ANKRD26: variants seen among roughly 807,000 people sequenced by gnomAD.
The protein encoded by ANKRD26 is ankyrin repeat domain 26, also known as ankyrin repeat domain-containing protein 26.
Under a neutral mutation model 208.7 loss-of-function variants are expected in ANKRD26, and 141 were observed. That is an observed-to-expected ratio of 0.68 (90% CI 0.59 to 0.78). The LOEUF is 0.78. Among genes scored for constraint, ANKRD26 ranks in the 30% least tolerant of loss-of-function variants. The probability of loss-of-function intolerance (pLI) is 0.00; values close to 1 mark genes in which losing one functional copy is unlikely to be tolerated. For synonymous variants in ANKRD26, 636 were observed against 660.4 expected (o/e 0.96, Z 0.57); for missense variants, 1,889 against 1,938.7 (o/e 0.97, Z 0.48).
rs1456276872 is a variant in ANKRD26, at chr10:27,100,177, G to A, written c.150C>T (p.Ile50=). The change falls in exon 1 of 34, where the codon ATC becomes ATT. Residue 50 remains isoleucine (I), a synonymous_variant. Transcript: ENST00000376087. ...YHVRDRDLGK[I]HKAASAGNVA... ...CATTACCCGCGCTGGCAGCTTTGTG[G>A]ATCTTGCCGAGATCTCGGTCTCGGA... is the stretch of plus-strand genomic sequence containing the variant. The A allele has an allele frequency of 1.2e-6, 2 of 1,614,078 alleles. No homozygotes were observed. The highest frequency in any genetic ancestry group is 2.2e-5 in the South Asian group (2 of 91,090).
At chr10:26,989,022 T>C (rs2052440392), downstream of ANKRD26, among the ~76,000 whole-genome samples, 1 of 152,114 alleles carries the variant, frequency 6.6e-6, no homozygotes, top group Non-Finnish European at 1.5e-5. Flanking sequence ...CCTTTTGAGA[T>C]AATCTTCTAT....
chr10:27,051,278 G>A, intron 16 of ANKRD26: 1 of 1,289,272 alleles, frequency 7.8e-7, no homozygotes, highest in South Asian at 1.2e-5. Context: ...ATGGCTTCTG[G>A]AACAAGTTCT....
At chr10:27,046,302 A>C (rs1244122060) in intron 18 of ANKRD26, 51 bp downstream of exon 18, 1 of 1,579,140 alleles carries the variant, frequency 6.3e-7, no homozygotes, top group African/African-American at 1.3e-5. Flanking sequence ...TTCAGAAAAA[A>C]ATTACTACTA....
intron 20 of ANKRD26, among the ~76,000 whole-genome samples, chr10:27,041,033 A>G (rs946188101): frequency 5.6e-5 from 8 of 143,190 alleles, no homozygotes; most frequent in African/African-American, 1.8e-4. Flanking sequence ...TCTGCCTCAG[A>G]AAAAAAAAAA....
intron 15 of ANKRD26, 48 bp from the exon 16 acceptor site, chr10:27,053,438 G>C (rs1230620765): frequency 2.5e-6 from 3 of 1,224,238 alleles, no homozygotes; most frequent in Non-Finnish European, 3.6e-6. Context: ...AGAACAGTTA[G>C]GTAAAAGGTA....
intron 16 of ANKRD26, chr10:27,051,570 T>C (rs1452269209): frequency 7.1e-6 from 7 of 985,096 alleles, no homozygotes; most frequent in Non-Finnish European, 8.4e-6. Flanking sequence ...GTTAAAAACA[T>C]GTTCAGTGTC....
the ANKRD26 span, among the ~76,000 whole-genome samples, chr10:26,959,215 T>C: frequency 1.3e-5 from 2 of 151,240 alleles, no homozygotes; most frequent in Non-Finnish European, 2.9e-5. Flanking sequence ...GAGGCGGAGG[T>C]TGCAGTGAGC....
intron 3 of ANKRD26, among the ~76,000 whole-genome samples, chr10:26,986,568 C>T (rs1206249991): frequency 1.3e-5 from 2 of 152,028 alleles, no homozygotes; most frequent in Admixed American, 1.3e-4. Flanking sequence ...ACAATGAACT[C>T]AAACAAATTT....
At chr10:27,045,423 T>C (rs960741893) in intron 18 of ANKRD26, among the ~76,000 whole-genome samples, 37 of 127,604 alleles carry the variant, frequency 2.9e-4, no homozygotes, top group African/African-American at 9.5e-4. Context: ...GACTCTGACT[T>C]AAAAAAAAAA....
Position 27,093,817 on chromosome 10 carries a change from CTT to C in ANKRD26, c.243-20_243-19del. On this transcript the variant is annotated intron_variant, in intron 1 of 33. Coordinates refer to ENST00000376087, the MANE Select transcript of ANKRD26 (RefSeq NM_014915.3). Reference sequence around the variant, plus strand: ...GAGCCGTCCTATGAGAGTGACAGGACTTTTTATAAACTGTAGTGCACTGTCTC... The same window carrying C: ...GAGCCGTCCTATGAGAGTGACAGGACTTTATAAACTGTAGTGCACTGTCTC... 1 of 1,572,408 alleles carries C rather than the reference CTT, an allele frequency of 6.4e-7. No individual in the cohort carries two copies. The highest frequency in any genetic ancestry group is 8.8e-7 in the Non-Finnish European group (1 of 1,142,204).
intron 15 of ANKRD26, 35 bp downstream of exon 15, chr10:27,060,310 T>A: frequency 6.7e-7 from 1 of 1,493,186 alleles, no homozygotes; most frequent in Non-Finnish European, 9.3e-7. Flanking sequence ...TTAACGTACT[T>A]CCTTCCAAGA....
intron 32 of ANKRD26, among the ~76,000 whole-genome samples, chr10:27,012,552 C>A (rs1194841419): frequency 1.3e-5 from 2 of 152,128 alleles, no homozygotes; most frequent in Non-Finnish European, 2.9e-5. Context: ...TGGTGGCTCA[C>A]ACCTGTAACC....
chr10:27,096,091 A>G (rs1401524214), intron 1 of ANKRD26, among the ~76,000 whole-genome samples: 1 of 152,254 alleles, frequency 6.6e-6, no homozygotes, highest in Non-Finnish European at 1.5e-5. Context: ...GTCTCAACAC[A>G]GGAGCCAAGC....
intron 16 of ANKRD26, chr10:27,051,388 A>C (rs2054654691): frequency 8.3e-7 from 1 of 1,205,578 alleles, no homozygotes; most frequent in Non-Finnish European, 1.1e-6. Flanking sequence ...ATCAAATCAA[A>C]AGGTCTTTTT....
At chr10:27,061,107 A>G (rs769028821) in intron 13 of ANKRD26, 37 bp downstream of exon 13, 8 of 1,401,474 alleles carry the variant, frequency 5.7e-6, no homozygotes, top group African/African-American at 1.4e-5. Context: ...CACTTGTAGA[A>G]TAACAGTTAA....
At chr10:27,063,519 C>A (rs764946718) in intron 12 of ANKRD26, among the ~76,000 whole-genome samples, 4 of 152,062 alleles carry the variant, frequency 2.6e-5, no homozygotes, top group African/African-American at 4.8e-5. Flanking sequence ...CAGGGTTTCA[C>A]CATGTTGGCC....
intron 25 of ANKRD26, among the ~76,000 whole-genome samples, chr10:27,030,957 CTT>C (rs2053846217): frequency 6.6e-6 from 1 of 152,012 alleles, no homozygotes. Flanking sequence ...AAGTTTCTCT[CTT>C]ATGAAAAAAA....
At chr10:27,096,929 C>T (rs2056485797) in intron 1 of ANKRD26, among the ~76,000 whole-genome samples, 1 of 152,078 alleles carries the variant, frequency 6.6e-6, no homozygotes, top group Admixed American at 6.6e-5. Context: ...CGCCTGTAAT[C>T]CCAACACTTT....
At chr10:27,061,907 T>A (rs926328960) in intron 12 of ANKRD26, 1 of 966,616 alleles carries the variant, frequency 1.0e-6, no homozygotes, top group African/African-American at 1.8e-5. Context: ...AGAAAGGAGA[T>A]ATGAATCACT....
Sources: gnomAD v4.1 joint callset for allele counts (sites outside exome capture counted in the v4.1 genomes callset) on GRCh38, gnomAD v4.1.1 for gene constraint, MANE v1.5 for transcripts, NCBI Gene and HGNC (gene_info 2026-07-23, HGNC 2026-07-21) for gene names.